The following JAM3 variants were observed in gnomAD, a reference collection of about 807,000 sequenced individuals.
JAM3 encodes the protein junctional adhesion molecule 3.
Under a neutral mutation model 39.4 loss-of-function variants are expected in JAM3, and 31 were observed. The observed-to-expected ratio is 0.79, with a 90% CI of 0.59 to 1.06. JAM3 has a LOEUF of 1.06. Ranked by LOEUF, JAM3 falls within the 50% of genes least tolerant of loss-of-function variation. The pLI, the probability that JAM3 is intolerant of heterozygous loss-of-function variation, is 0.00. For synonymous variants in JAM3, 182 were observed against 148.7 expected (o/e 1.22, Z -1.63); for missense variants, 455 against 391.4 (o/e 1.16, Z -1.37).
chr11:134,087,177 A>C (rs1420866506), intron 1 of JAM3, among the ~76,000 whole-genome samples: 1 of 152,080 alleles, frequency 6.6e-6, no homozygotes, highest in Non-Finnish European at 1.5e-5. Context: ...TCCTGAGATT[A>C]TTGTGCCATG....
intron 1 of JAM3, among the ~76,000 whole-genome samples, chr11:134,112,868 A>G (rs1322835522): frequency 6.6e-6 from 1 of 152,212 alleles, no homozygotes; most frequent in African/African-American, 2.4e-5. Context: ...AGCATGAAAT[A>G]GAGCATGAAA....
intron 1 of JAM3, among the ~76,000 whole-genome samples, chr11:134,082,999 A>G (rs191309479): frequency 3.9e-5 from 6 of 152,286 alleles, no homozygotes; most frequent in African/African-American, 1.2e-4. Context: ...TGACTTTTCT[A>G]TTTTATGGAT....
At chr11:134,097,442 C>T (rs1203158037) in intron 1 of JAM3, among the ~76,000 whole-genome samples, 4 of 152,154 alleles carry the variant, frequency 2.6e-5, no homozygotes, top group Non-Finnish European at 5.9e-5. Context: ...CGGTGAAATT[C>T]GCAAGTACCT....
chr11:134,106,121 A>G (rs1005090891), intron 1 of JAM3, among the ~76,000 whole-genome samples: 9 of 152,226 alleles, frequency 5.9e-5, no homozygotes, highest in Non-Finnish European at 1.0e-4. Flanking sequence ...ACAGTAACCA[A>G]AACAGCATGG....
chr11:134,128,196 C>T (rs1339896372), intron 1 of JAM3, among the ~76,000 whole-genome samples: 1 of 152,134 alleles, frequency 6.6e-6, no homozygotes, highest in Non-Finnish European at 1.5e-5. Flanking sequence ...CCAGTCGTCT[C>T]CTTAATGTAG....
rs577177140 is a variant in JAM3 at position 134,109,163 on chromosome 11, C to T, written c.77-30688C>T. Among the ~76,000 whole-genome samples the T allele has an allele frequency of 1.6e-4, 25 of 152,136 alleles. No individual in the cohort carries two copies. The South Asian group carries it at 4.2e-3, about 25-fold the overall frequency. On this transcript the variant is annotated intron_variant, in intron 1 of 8. Transcript: ENST00000299106. ...TTTTAGAAGAGAAGGAGTTTTACCA[C>T]GTTGGCCAGGCTGGTCTCAAACTCC...
intron 1 of JAM3, among the ~76,000 whole-genome samples, chr11:134,112,430 T>C (rs1025068194): frequency 2.0e-5 from 3 of 152,166 alleles, no homozygotes; most frequent in Non-Finnish European, 4.4e-5. Flanking sequence ...GCATCAGAGA[T>C]GGAAGTGCAG....
At chr11:134,083,543 G>C (rs1259595907) in intron 1 of JAM3, among the ~76,000 whole-genome samples, 1 of 152,148 alleles carries the variant, frequency 6.6e-6, no homozygotes, top group Non-Finnish European at 1.5e-5. Flanking sequence ...TGAACTCACA[G>C]ATTTTACTCT....
intron 1 of JAM3, among the ~76,000 whole-genome samples, chr11:134,115,991 C>T (rs373295332): frequency 6.6e-6 from 1 of 152,258 alleles, no homozygotes. Flanking sequence ...ATCATCATGA[C>T]ATGTTGCTGG....
chr11:134,115,539 G>C (rs1251854094), intron 1 of JAM3, among the ~76,000 whole-genome samples: 4 of 152,082 alleles, frequency 2.6e-5, no homozygotes, highest in African/African-American at 9.7e-5. Context: ...TAGTGGTTAG[G>C]TGTTTTGCAG....
At chr11:134,103,470 C>A in intron 1 of JAM3, among the ~76,000 whole-genome samples, 1 of 152,126 alleles carries the variant, frequency 6.6e-6, no homozygotes. Context: ...AGTAAAATAA[C>A]CAGCTAACAT....
At chr11:134,139,216 T>A (rs470600) in intron 1 of JAM3, among the ~76,000 whole-genome samples, 3 of 152,080 alleles carry the variant, frequency 2.0e-5, no homozygotes, top group Admixed American at 6.5e-5. Context: ...TGCCATGCAA[T>A]TAGTTATCTT....
intron 1 of JAM3, among the ~76,000 whole-genome samples, chr11:134,116,334 C>T (rs1015314404): frequency 2.4e-4 from 36 of 152,210 alleles, no homozygotes; most frequent in Middle Eastern, 3.4e-3. Context: ...TTCCTATTTC[C>T]CTTATTCTTT....
intron 1 of JAM3, among the ~76,000 whole-genome samples, chr11:134,121,346 A>G (rs1467516590): frequency 6.6e-6 from 1 of 152,202 alleles, no homozygotes. Flanking sequence ...GGGAAGGGGA[A>G]ACAGAACACA....
At chr11:134,124,825 G>A (rs1037874784) in intron 1 of JAM3, among the ~76,000 whole-genome samples, 1 of 152,280 alleles carries the variant, frequency 6.6e-6, no homozygotes, top group Non-Finnish European at 1.5e-5. Context: ...CGAAAACGCT[G>A]TGCTGAGCCC....
intron 1 of JAM3, among the ~76,000 whole-genome samples, chr11:134,106,502 C>G (rs868437177): frequency 3.9e-5 from 6 of 152,144 alleles, no homozygotes; most frequent in Non-Finnish European, 7.3e-5. Context: ...CAGATGGGAT[C>G]TAATTAAAGA....
At chr11:134,141,889 A>C (rs898736182) in intron 3 of JAM3, among the ~76,000 whole-genome samples, 1 of 151,308 alleles carries the variant, frequency 6.6e-6, no homozygotes, top group Non-Finnish European at 1.5e-5. Context: ...TTCTCAGAGA[A>C]GTTGAGAGTT....
intron 1 of JAM3, among the ~76,000 whole-genome samples, chr11:134,099,494 A>AT (rs1328890971): frequency 1.4e-4 from 22 of 152,270 alleles, no homozygotes; most frequent in South Asian, 1.0e-3. Context: ...ATAAGACAGT[A>AT]TTTGTCATCT....
intron 1 of JAM3, among the ~76,000 whole-genome samples, chr11:134,097,503 T>C (rs1302883987): frequency 6.6e-6 from 1 of 152,172 alleles, no homozygotes; most frequent in Non-Finnish European, 1.5e-5. Flanking sequence ...CAACTTAATG[T>C]CTTTGGCAGG....
Sources: allele counts gnomAD v4.1 joint callset (sites outside exome capture counted in the v4.1 genomes callset), GRCh38; gene constraint gnomAD v4.1.1; transcripts MANE v1.5; gene names NCBI Gene and HGNC (gene_info 2026-07-23, HGNC 2026-07-21).